Variants in MDM4 observed in about 807,000 individuals in gnomAD.
MDM4 encodes MDM4 regulator of p53.
MDM4 carries 2 observed loss-of-function variants against 60.2 expected under a neutral mutation model. The observed-to-expected ratio is 0.03, with a 90% CI of 0.01 to 0.10. MDM4 has a LOEUF of 0.10. Among genes scored for constraint, MDM4 ranks in the 10% least tolerant of loss-of-function variants. The pLI is 1.00. For synonymous variants in MDM4, 202 were observed against 198.1 expected (o/e 1.02, Z -0.17); for missense variants, 447 against 577.5 (o/e 0.77, Z 2.32).
intron 3 of MDM4, chr1:204,529,384 TG>T: frequency 9.6e-7 from 1 of 1,039,412 alleles, no homozygotes; most frequent in Non-Finnish European, 1.5e-6. Flanking sequence ...CCATGAGGCC[TG>T]GGCTGCTGGG....
At chr1:204,517,292 A>G (rs971482890) in intron 1 of MDM4, among the ~76,000 whole-genome samples, 1 of 152,104 alleles carries the variant, frequency 6.6e-6, no homozygotes, top group African/African-American at 2.4e-5. Context: ...TGAAACCTAC[A>G]GACAGTATCG....
chr1:204,523,503 C>CTTTT (rs1558310755), intron 1 of MDM4, among the ~76,000 whole-genome samples: 4 of 82,046 alleles, frequency 4.9e-5, no homozygotes, highest in Non-Finnish European at 4.1e-5. Context: ...TTTTTTTTTG[C>CTTTT]GACAGGGTAT....
intron 5 of MDM4, among the ~76,000 whole-genome samples, chr1:204,535,203 G>T (rs1661275706): frequency 1.3e-5 from 2 of 150,124 alleles, no homozygotes; most frequent in Admixed American, 6.6e-5. Flanking sequence ...TGTCGCCTAG[G>T]CTGGAGTGCA....
At chr1:204,519,648 G>A (rs928090428) in intron 1 of MDM4, among the ~76,000 whole-genome samples, 2 of 151,888 alleles carry the variant, frequency 1.3e-5, no homozygotes, top group African/African-American at 4.8e-5. Context: ...AGACTAGCCT[G>A]GGGAACATTA....
intron 1 of MDM4, among the ~76,000 whole-genome samples, chr1:204,518,776 C>G (rs1358233798): frequency 6.6e-6 from 1 of 152,244 alleles, no homozygotes; most frequent in South Asian, 2.1e-4. Flanking sequence ...AGCTATTCTT[C>G]TGCCGCAGCC....
At chr1:204,528,178 A>G (rs1045884131) in intron 3 of MDM4, among the ~76,000 whole-genome samples, 4 of 152,028 alleles carry the variant, frequency 2.6e-5, no homozygotes, top group Admixed American at 2.6e-4. Context: ...AGTATTGGCA[A>G]GGAGAGGTGA....
chr1:204,528,933 T>A, intron 3 of MDM4: 3 of 1,586,040 alleles, frequency 1.9e-6, no homozygotes, highest in Non-Finnish European at 1.7e-6. Flanking sequence ...CCGGAAGGCC[T>A]CTGTCGGCAT....
At chr1:204,538,170 A>G in intron 6 of MDM4, 39 bp from the exon 7 acceptor site, 1 of 1,133,808 alleles carries the variant, frequency 8.8e-7, no homozygotes, top group Non-Finnish European at 1.3e-6. Context: ...GGTCTCAGTT[A>G]TTTCTACTGC....
rs952484479 is a variant in MDM4, at chr1:204,550,269, G to T, written c.*587G>T. On this transcript the variant is annotated 3_prime_UTR_variant, in exon 11 of 11. Coordinates refer to ENST00000367182, the MANE Select transcript of MDM4 (RefSeq NM_002393.5). Reference sequence around the variant, plus strand: ...GCTCACTGCAGCCTTGGTTTCCTGGGCATAAGTGGTCTTCCCACTTCAGCC... The same window carrying T: ...GCTCACTGCAGCCTTGGTTTCCTGGTCATAAGTGGTCTTCCCACTTCAGCC... 3.5e-5 allele frequency: 8 copies of T among 231,098 alleles called. No individual in the cohort carries two copies. The highest frequency in any genetic ancestry group is 6.8e-5 in the Non-Finnish European group (8 of 116,878). The allele number at this position is 231,098 out of a possible 1,614,324, so 14.3% of individuals were successfully genotyped here. A position where few individuals can be genotyped will look rare whatever the true frequency, so the allele number is the denominator to read the frequency against.
chr1:204,547,367 C>A (rs1433229114), intron 10 of MDM4, among the ~76,000 whole-genome samples: 1 of 152,196 alleles, frequency 6.6e-6, no homozygotes. Flanking sequence ...TGATATTCCA[C>A]TCTTAGGTTA....
In MDM4 at chr1:204,538,218, G is replaced by A; in HGVS notation, c.421G>A (p.Glu141Lys). Residue 141 changes from glutamate to lysine, a missense_variant, in exon 7 of 11, where the codon GAG becomes AAG. Physicochemically the swap from Glu to Lys is moderately conservative, Grantham distance 56. Transcript: ENST00000367182. ...CTTTCCCTTCTTTCAGCAAAGTGCA[G>A]AGGAAAGTTCCACTTCCAGAAAAAG... ...PSQDQLKQSA[E>K]ESSTSRKRTT... The A allele has an allele frequency of 6.2e-7, 1 of 1,602,600 alleles. No individual in the cohort carries two copies. The highest frequency in any genetic ancestry group is 2.2e-5 in the East Asian group (1 of 44,830).
chr1:204,517,258 A>G (rs1659077555), intron 1 of MDM4, among the ~76,000 whole-genome samples: 1 of 151,964 alleles, frequency 6.6e-6, no homozygotes. Context: ...AAAAAAAGAA[A>G]AAATGTTCGT....
At chr1:204,537,691 T>G (rs1015273721) in intron 6 of MDM4, among the ~76,000 whole-genome samples, 194 bp downstream of exon 6, 7 of 152,100 alleles carry the variant, frequency 4.6e-5, no homozygotes, top group Non-Finnish European at 7.4e-5. Context: ...CTCTGAACCT[T>G]TCTTTGGGAT....
At position 204,551,461 on chromosome 1, in the gene MDM4, C is replaced by CTT. The variant is rs56047802; in HGVS notation, c.*1807_*1808dup. ...ATACTGGATGGTTGAGAGGCAGCCT[C>CTT]TTTTTTTTTTTTTTTTTTTTTTTTT... On this transcript the variant is annotated 3_prime_UTR_variant, in exon 11 of 11. Transcript: ENST00000367182. 3.2e-3 allele frequency: 297 copies of CTT among 91,420 alleles called. 37 individuals are homozygous for CTT. Among genetic ancestry groups the CTT allele is most frequent in the African/African-American group, 9.9e-3 (136 of 13,804 alleles). The allele number at this position is 91,420 out of a possible 1,614,324, so 5.7% of individuals were successfully genotyped here. A position where few individuals can be genotyped will look rare whatever the true frequency, so the allele number is the denominator to read the frequency against.
chr1:204,529,331 C>A, intron 3 of MDM4: 1 of 789,992 alleles, frequency 1.3e-6, no homozygotes. Context: ...CCGACTGGAA[C>A]CAGGAGTAGG....
At chr1:204,525,204 A>G (rs922562202) in intron 1 of MDM4, 1 of 284,016 alleles carries the variant, frequency 3.5e-6, no homozygotes, top group African/African-American at 2.3e-5. Flanking sequence ...AAAACAGTTT[A>G]CTGATTAACA....
chr1:204,527,923 CA>C (rs771090199), intron 3 of MDM4, among the ~76,000 whole-genome samples: 4 of 151,768 alleles, frequency 2.6e-5, no homozygotes, highest in Non-Finnish European at 5.9e-5. Flanking sequence ...ACTCCAGAAC[CA>C]TTACACTTCT....
At chr1:204,532,145 T>G (rs763926374) in intron 4 of MDM4, 46 bp from the exon 5 acceptor site, 3 of 1,109,694 alleles carry the variant, frequency 2.7e-6, no homozygotes, top group Non-Finnish European at 4.1e-6. Context: ...GATATCTTCA[T>G]AGTGGCATTT....
intron 7 of MDM4, among the ~76,000 whole-genome samples, chr1:204,539,015 G>T (rs561468551): frequency 2.6e-5 from 4 of 152,122 alleles, no homozygotes; most frequent in African/African-American, 9.6e-5. Context: ...GATTACAGGC[G>T]CACGCCACCA....
Sources: gnomAD v4.1 joint callset for allele counts (sites outside exome capture counted in the v4.1 genomes callset) on GRCh38, gnomAD v4.1.1 for gene constraint, MANE v1.5 for transcripts, NCBI Gene and HGNC (gene_info 2026-07-23, HGNC 2026-07-21) for gene names.